ZDHHC20: variants seen among roughly 807,000 people sequenced by gnomAD.
The protein encoded by ZDHHC20 is zDHHC palmitoyltransferase 20, also known as palmitoyltransferase ZDHHC20.
In ZDHHC20, 43 loss-of-function variants were observed where a neutral mutation model predicts 57.8. The observed-to-expected ratio is 0.74, with a 90% confidence interval of 0.58 to 0.96. ZDHHC20 has a LOEUF of 0.96. Ranked by LOEUF, ZDHHC20 falls within the 40% of genes least tolerant of loss-of-function variation. The probability of loss-of-function intolerance (pLI) is 0.00; values close to 1 mark genes in which losing one functional copy is unlikely to be tolerated. For synonymous variants in ZDHHC20, 157 were observed against 153.0 expected (o/e 1.03, Z -0.19); for missense variants, 391 against 441.1 (o/e 0.89, Z 1.02).
At chr13:21,396,197 T>A (rs565454902) in intron 7 of ZDHHC20, among the ~76,000 whole-genome samples, 2 of 152,314 alleles carry the variant, frequency 1.3e-5, no homozygotes, top group South Asian at 4.1e-4. Flanking sequence ...CTCTTGGCGC[T>A]GTGAGTAACA....
intron 3 of ZDHHC20, among the ~76,000 whole-genome samples, chr13:21,418,270 T>C (rs886676056): frequency 2.0e-5 from 3 of 152,150 alleles, no homozygotes; most frequent in Non-Finnish European, 2.9e-5. Context: ...GGATACAGGC[T>C]TGGGCAGTCA....
chr13:21,405,539 T>C (rs974201236), intron 4 of ZDHHC20, among the ~76,000 whole-genome samples: 41 of 152,186 alleles, frequency 2.7e-4, no homozygotes, highest in Admixed American at 2.6e-4. Context: ...GCCCTTGATT[T>C]TGGGTGTGTT....
intron 1 of ZDHHC20, among the ~76,000 whole-genome samples, chr13:21,449,120 C>A (rs1884180212): frequency 1.4e-5 from 2 of 141,832 alleles, no homozygotes; most frequent in Non-Finnish European, 3.1e-5. Context: ...AACCAGAGAC[C>A]TTTGTTCACT....
At chr13:21,444,226 C>T (rs572290257) in intron 1 of ZDHHC20, among the ~76,000 whole-genome samples, 4 of 152,266 alleles carry the variant, frequency 2.6e-5, no homozygotes, top group South Asian at 2.1e-4. Flanking sequence ...CCTGGTTTCA[C>T]GTTAAGGCTT....
At chr13:21,408,149 C>T (rs1268333188) in intron 4 of ZDHHC20, among the ~76,000 whole-genome samples, 1 of 152,060 alleles carries the variant, frequency 6.6e-6, no homozygotes, top group African/African-American at 2.4e-5. Context: ...TTTTCTAATT[C>T]TGTGAAGAAA....
At chr13:21,402,668 C>A (rs531719209) in intron 5 of ZDHHC20, 129 bp downstream of exon 5, 3 of 739,310 alleles carry the variant, frequency 4.1e-6, no homozygotes, top group Non-Finnish European at 2.2e-6. Flanking sequence ...CCTGTATGCA[C>A]AGCAAATAAT....
At chr13:21,438,462 G>C (rs1882780928) in intron 1 of ZDHHC20, among the ~76,000 whole-genome samples, 1 of 152,234 alleles carries the variant, frequency 6.6e-6, no homozygotes, top group Non-Finnish European at 1.5e-5. Flanking sequence ...GGTGAAAACA[G>C]CAAGAGAAGT....
chr13:21,433,116 T>C (rs189496711), intron 1 of ZDHHC20, among the ~76,000 whole-genome samples: 43 of 152,316 alleles, frequency 2.8e-4, no homozygotes, highest in African/African-American at 8.4e-4. Context: ...CATTTCCATA[T>C]AAATACTTAC....
At chr13:21,410,873 T>C (rs938926918) in intron 4 of ZDHHC20, among the ~76,000 whole-genome samples, 9 of 152,054 alleles carry the variant, frequency 5.9e-5, no homozygotes, top group Non-Finnish European at 1.2e-4. Flanking sequence ...AAGGAACAGT[T>C]CTGTCTTGCT....
chr13:21,442,766 C>A lies in ZDHHC20; in HGVS notation c.118+16288G>T, dbSNP rs941994589. 6.6e-5 allele frequency among the ~76,000 whole-genome samples: 10 copies of A among 151,230 alleles called. No homozygotes were observed. In the East Asian group the frequency reaches 1.5e-3, roughly 23 times the overall value. ...CGAGACTCTATCTCAAAAAAAAAAA[C>A]AAAAAACTTTTGACTTGCAGTTTCT... On this transcript the variant is annotated intron_variant, in intron 1 of 12. Coordinates refer to ENST00000400590, the MANE Select transcript of ZDHHC20 (RefSeq NM_001330059.2).
chr13:21,425,205 C>G lies in ZDHHC20; in HGVS notation c.145+447G>C, dbSNP rs371424377. On this transcript the variant is annotated intron_variant, in intron 2 of 12. Transcript: ENST00000400590. ...GTAATGCAATTTACAAATTTACAGT[C>G]TGGTTATTTTCTTAAATATCTGTGC... Among the ~76,000 whole-genome samples the G allele has an allele frequency of 2.8e-3, 429 of 152,188 alleles. 7 individuals are homozygous for G. In the South Asian group the frequency reaches 0.035, roughly 12 times the overall value.
chr13:21,426,607 CTTTTTTT>C (rs778269073), intron 1 of ZDHHC20, among the ~76,000 whole-genome samples: 2 of 135,376 alleles, frequency 1.5e-5, no homozygotes, highest in East Asian at 4.2e-4. Flanking sequence ...TTCTCCTTTT[CTTTTTTT>C]TTTTTTTTTG....
chr13:21,395,345 T>TGC (rs1876591624), intron 7 of ZDHHC20, among the ~76,000 whole-genome samples: 2 of 148,752 alleles, frequency 1.3e-5, no homozygotes, highest in Non-Finnish European at 3.0e-5. Context: ...GGATTACAGG[T>TGC]GTAAGCCACC....
chr13:21,387,403 G>A (rs2137689810), intron 9 of ZDHHC20, 105 bp downstream of exon 9: 1 of 885,336 alleles, frequency 1.1e-6, no homozygotes, highest in Non-Finnish European at 1.5e-6. Flanking sequence ...CAAAGTCTGT[G>A]AGAATATCAT....
At chr13:21,448,495 C>A (rs1466407674) in intron 1 of ZDHHC20, among the ~76,000 whole-genome samples, 1 of 100,018 alleles carries the variant, frequency 1.0e-5, no homozygotes, top group African/African-American at 3.2e-5. Context: ...CCCGGCCAGC[C>A]GCCCCGTCCG....
intron 7 of ZDHHC20, among the ~76,000 whole-genome samples, chr13:21,394,944 T>C: frequency 6.6e-6 from 1 of 152,232 alleles, no homozygotes; most frequent in East Asian, 1.9e-4. Flanking sequence ...TTCTAAAATG[T>C]AGTAGGTATC....
intron 1 of ZDHHC20, among the ~76,000 whole-genome samples, chr13:21,426,839 TC>T (rs1186082294): frequency 6.6e-6 from 1 of 152,172 alleles, no homozygotes; most frequent in Non-Finnish European, 1.5e-5. Flanking sequence ...ACTCCTGACT[TC>T]AAGTGAATCC....
chr13:21,391,651 T>C, intron 8 of ZDHHC20, 71 bp downstream of exon 8: 2 of 1,491,382 alleles, frequency 1.3e-6, no homozygotes, highest in Non-Finnish European at 1.8e-6. Context: ...CTGACCCTTG[T>C]TCTTCTCTAG....
chr13:21,393,723 AAAAAAAG>A (rs1876238802), intron 7 of ZDHHC20, among the ~76,000 whole-genome samples: 1 of 150,240 alleles, frequency 6.7e-6, no homozygotes, highest in Non-Finnish European at 1.5e-5. Flanking sequence ...AAAAAAAAAA[AAAAAAAG>A]GTACAAGGTC....
Sources: allele counts gnomAD v4.1 joint callset (sites outside exome capture counted in the v4.1 genomes callset), GRCh38; gene constraint gnomAD v4.1.1; transcripts MANE v1.5; gene names NCBI Gene and HGNC (gene_info 2026-07-23, HGNC 2026-07-21).